The following SGSM1 variants were observed in gnomAD, a reference collection of about 807,000 sequenced individuals.
SGSM1 encodes RUN and TBC1 domain containing 2.
A neutral mutation model predicts 133.8 loss-of-function variants in SGSM1; 73 were observed. The ratio of observed to expected loss-of-function variants is 0.55; its 90% CI spans 0.45 to 0.66. The LOEUF (loss-of-function observed/expected upper bound fraction) is 0.66, where lower values mean the gene tolerates loss of function less well. Among genes scored for constraint, SGSM1 ranks in the 30% least tolerant of loss-of-function variants. The probability of loss-of-function intolerance (pLI) is 0.00; values close to 1 mark genes in which losing one functional copy is unlikely to be tolerated. For synonymous variants in SGSM1, 563 were observed against 573.0 expected, an observed-to-expected ratio of 0.98 and a Z score of 0.25; for missense variants, 1,213 against 1,448.1, an observed-to-expected ratio of 0.84 and a Z score of 2.64.
chr22:24,808,180 C>G lies in SGSM1; in HGVS notation c.63+1696C>G, dbSNP rs1435589894. 3.4e-5 allele frequency among the ~76,000 whole-genome samples: 5 copies of G among 148,044 alleles called. No individual in the cohort carries two copies. In the East Asian group the frequency reaches 9.9e-4, roughly 29 times the overall value. On this transcript the variant is annotated intron_variant, in intron 2 of 24. Transcript: ENST00000400358. ...CCAGGATAGAGTACAGTGGCACAGT[C>G]TCCACTCACTAAAAACTCCACCTCC...
chr22:24,850,836 G>A (rs530873213), intron 5 of SGSM1, among the ~76,000 whole-genome samples: 2 of 152,240 alleles, frequency 1.3e-5, no homozygotes, highest in South Asian at 2.1e-4. Context: ...AATGGCTCAC[G>A]CCTGTAATCC....
chr22:24,827,654 A>G (rs1928874459), intron 2 of SGSM1, among the ~76,000 whole-genome samples: 1 of 151,918 alleles, frequency 6.6e-6, no homozygotes, highest in Non-Finnish European at 1.5e-5. Flanking sequence ...CATTTGAAGA[A>G]TCCCTGCTGT....
rs1934115385 is a variant in SGSM1 at position 24,924,278 on chromosome 22, GC to G, written c.*5del. 2 of 1,613,368 alleles carry G rather than the reference GC, an allele frequency of 1.2e-6. No homozygotes were observed. The highest frequency in any genetic ancestry group is 1.7e-6 in the Non-Finnish European group (2 of 1,179,532). Reference sequence around the variant, plus strand: ...GACTCTGATTGAGAACAAGTGAGGGGCACCTCACCCCGGCAGCCTCAGCCAA... The same window carrying G: ...GACTCTGATTGAGAACAAGTGAGGGGACCTCACCCCGGCAGCCTCAGCCAA... On this transcript the variant is annotated 3_prime_UTR_variant, in exon 25 of 25. Transcript: ENST00000400358.
chr22:24,882,717 A>G (rs189560981), intron 14 of SGSM1, among the ~76,000 whole-genome samples: 43 of 152,224 alleles, frequency 2.8e-4, no homozygotes, highest in African/African-American at 7.9e-4. Flanking sequence ...CACCTCCATG[A>G]AAACTACTTT....
At chr22:24,905,898 C>T (rs1933360300) in intron 21 of SGSM1, among the ~76,000 whole-genome samples, 1 of 151,988 alleles carries the variant, frequency 6.6e-6, no homozygotes, top group Non-Finnish European at 1.5e-5. Context: ...TCAATAAAGC[C>T]AGACCTCATA....
intron 4 of SGSM1, 111 bp downstream of exon 4, chr22:24,847,907 TGCTTCTCAA>T: frequency 7.1e-7 from 1 of 1,399,814 alleles, no homozygotes; most frequent in Non-Finnish European, 9.5e-7. Context: ...GTCTCCATCC[TGCTTCTCAA>T]ACCCACCAGA....
At chr22:24,869,173 A>T (rs186060389) in intron 12 of SGSM1, among the ~76,000 whole-genome samples, 286 of 152,244 alleles carry the variant, frequency 1.9e-3, no homozygotes, top group Middle Eastern at 6.8e-3. Context: ...TAAAATGGGC[A>T]TGTTCATAGC....
chr22:24,906,298 A>G (rs1933377386), intron 21 of SGSM1, among the ~76,000 whole-genome samples: 1 of 152,254 alleles, frequency 6.6e-6, no homozygotes, highest in Admixed American at 6.5e-5. Flanking sequence ...CACAAATATC[A>G]TCATACTCAA....
intron 17 of SGSM1, among the ~76,000 whole-genome samples, 159 bp downstream of exon 17, chr22:24,893,772 AC>A (rs1203660612): frequency 1.3e-5 from 2 of 152,004 alleles, no homozygotes; most frequent in Non-Finnish European, 2.9e-5. Context: ...TTGGAATCAG[AC>A]CTGAATTCAA....
At chr22:24,873,021 C>T (rs1221799113) in intron 12 of SGSM1, among the ~76,000 whole-genome samples, 4 of 151,172 alleles carry the variant, frequency 2.6e-5, no homozygotes, top group Non-Finnish European at 4.4e-5. Context: ...TGCAGTGGTG[C>T]GATCATGGCT....
chr22:24,917,179 A>G (rs993550773), intron 22 of SGSM1, among the ~76,000 whole-genome samples: 1 of 151,624 alleles, frequency 6.6e-6, no homozygotes, highest in Non-Finnish European at 1.5e-5. Context: ...ACACCTGACC[A>G]ACAGATGTTT....
At chr22:24,884,337 C>T (rs1932492108) in intron 15 of SGSM1, 139 bp downstream of exon 15, 1 of 1,159,590 alleles carries the variant, frequency 8.6e-7, no homozygotes, top group African/African-American at 1.6e-5. Context: ...TGGAGTTCCC[C>T]TTCTCCTTGA....
At chr22:24,866,219 T>G (rs1931448297) in intron 9 of SGSM1, among the ~76,000 whole-genome samples, 1 of 152,212 alleles carries the variant, frequency 6.6e-6, no homozygotes, top group African/African-American at 2.4e-5. Flanking sequence ...ACGCACTTCT[T>G]AATGTATCAG....
chr22:24,900,383 CTTT>C, intron 19 of SGSM1, among the ~76,000 whole-genome samples: 1 of 71,928 alleles, frequency 1.4e-5, no homozygotes, highest in Admixed American at 1.4e-4. Flanking sequence ...TTCTTTCTTT[CTTT>C]CTTTCTTTCT....
chr22:24,920,082 A>T, intron 24 of SGSM1, 89 bp downstream of exon 24: 7 of 1,355,014 alleles, frequency 5.2e-6, no homozygotes, highest in Non-Finnish European at 7.0e-6. Flanking sequence ...ATGGGCTGAG[A>T]TGGATGCATG....
chr22:24,912,769 A>C lies in SGSM1; in HGVS notation c.2928+17A>C. Reference sequence around the variant, plus strand: ...TTGATCCAGGTATGACCCAGCATCCATTCTTGCTTTGGACTTTTTTGGGAA... The same window carrying C: ...TTGATCCAGGTATGACCCAGCATCCCTTCTTGCTTTGGACTTTTTTGGGAA... On this transcript the variant is annotated intron_variant, in intron 22 of 24. Transcript: ENST00000400358. The C allele has an allele frequency of 6.3e-7, 1 of 1,590,436 alleles. No individual in the cohort carries two copies. The highest frequency in any genetic ancestry group is 8.6e-7 in the Non-Finnish European group (1 of 1,162,958).
At chr22:24,887,078 C>T (rs1230166907) in intron 16 of SGSM1, among the ~76,000 whole-genome samples, 2 of 149,478 alleles carry the variant, frequency 1.3e-5, no homozygotes. Context: ...TCATCTTAAT[C>T]AGACTTTCCC....
intron 12 of SGSM1, among the ~76,000 whole-genome samples, chr22:24,872,325 C>G (rs920632173): frequency 2.0e-5 from 3 of 152,120 alleles, no homozygotes; most frequent in Non-Finnish European, 4.4e-5. Flanking sequence ...GACAGGTTCA[C>G]ATCAGATAAG....
intron 24 of SGSM1, among the ~76,000 whole-genome samples, chr22:24,922,147 T>C (rs1934031994): frequency 6.6e-6 from 1 of 151,984 alleles, no homozygotes; most frequent in Non-Finnish European, 1.5e-5. Context: ...TTGTTTTCTA[T>C]TCCATATTGA....
Sources: gnomAD v4.1 joint callset for allele counts (sites outside exome capture counted in the v4.1 genomes callset) on GRCh38, gnomAD v4.1.1 for gene constraint, MANE v1.5 for transcripts, NCBI Gene and HGNC (gene_info 2026-07-23, HGNC 2026-07-21) for gene names.